The following BRAF variants were observed in gnomAD, a reference collection of about 807,000 sequenced individuals.
BRAF encodes the protein B-Raf proto-oncogene, serine/threonine kinase.
A neutral mutation model predicts 104.6 loss-of-function variants in BRAF; 16 were observed. The observed-to-expected ratio is 0.15, with a 90% CI of 0.10 to 0.23. The LOEUF (loss-of-function observed/expected upper bound fraction) is 0.23, where lower values mean the gene tolerates loss of function less well. Among genes scored for constraint, BRAF ranks in the 10% least tolerant of loss-of-function variants. BRAF has a pLI of 1.00. For missense variants in BRAF, 541 were observed against 937.3 expected (o/e 0.58, Z 5.52); for synonymous variants, 310 against 341.6 (o/e 0.91, Z 1.02).
chr7:140,715,028 G>A (rs918513141), downstream of BRAF, among the ~76,000 whole-genome samples: 2 of 152,208 alleles, frequency 1.3e-5, no homozygotes, highest in Non-Finnish European at 2.9e-5. Context: ...CCACTGGTGA[G>A]GAGAGGGTGG....
intron 7 of BRAF, among the ~76,000 whole-genome samples, chr7:140,798,658 A>T (rs1285662062): frequency 6.6e-6 from 1 of 151,092 alleles, no homozygotes; most frequent in Non-Finnish European, 1.5e-5. Context: ...CCTGTGTCAG[A>T]AATGTTCCAA....
Position 140,762,752 on chromosome 7 carries a change from C to A in BRAF, c.1815-8519G>T, listed in dbSNP as rs910523308. Among the ~76,000 whole-genome samples, 21 of 151,974 alleles carry A rather than the reference C, an allele frequency of 1.4e-4. No individual in the cohort carries two copies. The East Asian group carries it at 3.3e-3, about 24-fold the overall frequency. ...TGGTTTTCCTAGGCAGAGGACCCTG[C>A]GGCCTTCCGCAGTGTTTGTGTTCCT... On this transcript the variant is annotated intron_variant, in intron 14 of 19. Coordinates refer to ENST00000644969, the MANE Select transcript of BRAF (RefSeq NM_001374258.1).
At chr7:140,790,061 A>T (rs932008165) in intron 8 of BRAF, among the ~76,000 whole-genome samples, 7 of 151,964 alleles carry the variant, frequency 4.6e-5, no homozygotes, top group African/African-American at 1.7e-4. Context: ...TATGATAACT[A>T]TAGGACTTGG....
chr7:140,721,801 T>A lies in BRAF; in HGVS notation c.*4693A>T. On this transcript the variant is annotated 3_prime_UTR_variant, in exon 20 of 20. Transcript: ENST00000644969. ...GGAATATGTTTTCTTTTACATCCAATGGCCAGGTCATAAAGGATGCCTTGA... is the reference window on the plus strand; with the variant it reads ...GGAATATGTTTTCTTTTACATCCAAAGGCCAGGTCATAAAGGATGCCTTGA... 2.1e-6 allele frequency: 3 copies of A among 1,421,482 alleles called. No individual in the cohort carries two copies. The South Asian group carries it at 4.7e-5, about 22-fold the overall frequency. The allele number at this position is 1,421,482 out of a possible 1,614,324, so 88.1% of individuals were successfully genotyped here. A position where few individuals can be genotyped will look rare whatever the true frequency, so the allele number is the denominator to read the frequency against.
chr7:140,906,275 C>T (rs912235778), intron 1 of BRAF, among the ~76,000 whole-genome samples: 1 of 151,812 alleles, frequency 6.6e-6, no homozygotes, highest in Non-Finnish European at 1.5e-5. Context: ...GACCAAGGAT[C>T]ACTGCAGCCT....
chr7:140,742,801 G>T (rs1797038077), intron 17 of BRAF, among the ~76,000 whole-genome samples: 1 of 151,886 alleles, frequency 6.6e-6, no homozygotes, highest in African/African-American at 2.4e-5. Context: ...CAAAATGGGA[G>T]AAAATTTTTG....
Position 140,726,473 on chromosome 7 carries a change from C to A in BRAF, c.*21G>T. Reference sequence around the variant, plus strand: ...GAACACAAGACTTAAGAAATAAGAGCAGATGCTGCCATGATGGTGGCTACT... The same window carrying A: ...GAACACAAGACTTAAGAAATAAGAGAAGATGCTGCCATGATGGTGGCTACT... On this transcript the variant is annotated 3_prime_UTR_variant, in exon 20 of 20. Coordinates refer to ENST00000644969, the MANE Select transcript of BRAF (RefSeq NM_001374258.1). The A allele has an allele frequency of 6.5e-7, 1 of 1,536,312 alleles. No individual in the cohort carries two copies. Among genetic ancestry groups the A allele is most frequent in the Non-Finnish European group, 8.7e-7 (1 of 1,146,944 alleles).
At chr7:140,861,161 G>A (rs966388385) in intron 1 of BRAF, among the ~76,000 whole-genome samples, 4 of 152,136 alleles carry the variant, frequency 2.6e-5, no homozygotes, top group South Asian at 2.1e-4. Context: ...TTTGCAAACC[G>A]TGGAGATGTA....
intron 1 of BRAF, 136 bp from the exon 2 acceptor site, chr7:140,850,348 GT>G: frequency 1.6e-6 from 1 of 625,542 alleles, no homozygotes. Context: ...TAGTACAGTG[GT>G]TTTTCTCTTT....
In BRAF at chr7:140,758,604, G is replaced by A. The variant is rs920355369; in HGVS notation, c.1815-4371C>T. Among the ~76,000 whole-genome samples the A allele has an allele frequency of 2.0e-5, 3 of 152,028 alleles. No individual in the cohort carries two copies. In the East Asian group the frequency reaches 5.8e-4, roughly 29 times the overall value. On this transcript the variant is annotated intron_variant, in intron 14 of 19. Transcript: ENST00000644969. The stretch of plus-strand genomic sequence containing the variant: ...TGTGTAGCTGGGACTACAGGTGGGC[G>A]CCACCATGCCTGGATAATTAAAAAA...
intron 14 of BRAF, among the ~76,000 whole-genome samples, chr7:140,768,094 A>T (rs1799500759): frequency 6.6e-6 from 1 of 152,142 alleles, no homozygotes; most frequent in African/African-American, 2.4e-5. Flanking sequence ...ACAGCAAGAA[A>T]CCATTGTGTA....
At chr7:140,772,531 G>A (rs1438159315) in intron 14 of BRAF, among the ~76,000 whole-genome samples, 3 of 151,970 alleles carry the variant, frequency 2.0e-5, no homozygotes, top group Admixed American at 6.6e-5. Flanking sequence ...GACTGAGGTG[G>A]GAGGATCACT....
At chr7:140,918,839 A>C (rs1273687445) in intron 1 of BRAF, among the ~76,000 whole-genome samples, 1 of 152,232 alleles carries the variant, frequency 6.6e-6, no homozygotes, top group Non-Finnish European at 1.5e-5. Context: ...GCATTAGTGC[A>C]ATTTGGAATT....
In BRAF at chr7:140,719,503, A is replaced by G. The variant is rs537505486; in HGVS notation, c.*6991T>C. 1 of 1,030,300 alleles carries G rather than the reference A, an allele frequency of 9.7e-7. No individual in the cohort carries two copies. Among genetic ancestry groups the G allele is most frequent in the South Asian group, 4.7e-5 (1 of 21,428 alleles). 63.8% of individuals were successfully genotyped at this position (1,030,300 alleles called of 1,614,324 possible). On this transcript the variant is annotated 3_prime_UTR_variant, in exon 20 of 20. Transcript: ENST00000644969. Reference sequence around the variant, plus strand: ...TTTTATTCTCCATGCTTTCTATCCAAACTGAACAATATTTTCTGTTATACA... The same window carrying G: ...TTTTATTCTCCATGCTTTCTATCCAGACTGAACAATATTTTCTGTTATACA...
At chr7:140,849,008 A>G (rs1808859176) in intron 2 of BRAF, among the ~76,000 whole-genome samples, 1 of 152,226 alleles carries the variant, frequency 6.6e-6, no homozygotes, top group South Asian at 2.1e-4. Context: ...AAGTCTTTCA[A>G]TCTGTGCTTA....
chr7:140,744,707 T>G (rs926153841), intron 17 of BRAF, among the ~76,000 whole-genome samples: 20 of 152,188 alleles, frequency 1.3e-4, no homozygotes, highest in African/African-American at 4.8e-4. Flanking sequence ...AACAAAAAAG[T>G]TGTATTTATC....
At chr7:140,871,261 A>G (rs1276325527) in intron 1 of BRAF, among the ~76,000 whole-genome samples, 1 of 151,102 alleles carries the variant, frequency 6.6e-6, no homozygotes, top group Non-Finnish European at 1.5e-5. Context: ...AAAAAAAAAA[A>G]AGAGTAACTC....
intron 1 of BRAF, among the ~76,000 whole-genome samples, chr7:140,869,177 T>TTA (rs1811292648): frequency 6.6e-6 from 1 of 152,154 alleles, no homozygotes; most frequent in East Asian, 1.9e-4. Context: ...GAGCTGGGTA[T>TTA]ACAAATCTGA....
At chr7:140,758,457 T>C (rs1367913694) in intron 14 of BRAF, among the ~76,000 whole-genome samples, 1 of 152,188 alleles carries the variant, frequency 6.6e-6, no homozygotes, top group East Asian at 1.9e-4. Context: ...TTTAGTTTCC[T>C]TCACTTTTTT....
Sources: gnomAD v4.1 joint callset for allele counts (sites outside exome capture counted in the v4.1 genomes callset) on GRCh38, gnomAD v4.1.1 for gene constraint, MANE v1.5 for transcripts, NCBI Gene and HGNC (gene_info 2026-07-23, HGNC 2026-07-21) for gene names.